CLMN: variants seen among roughly 807,000 people sequenced by gnomAD.
CLMN encodes the protein calmin.
A neutral mutation model predicts 92.7 loss-of-function variants in CLMN; 57 were observed. That is an observed-to-expected ratio of 0.61 (90% CI 0.50 to 0.77). The LOEUF (loss-of-function observed/expected upper bound fraction) is 0.77. CLMN is among the 30% of genes least tolerant of loss of function. The pLI is 0.00. For missense variants in CLMN, 1,158 were observed against 1,237.5 expected, an observed-to-expected ratio of 0.94 and a Z score of 0.96; for synonymous variants, 466 against 470.6, an observed-to-expected ratio of 0.99 and a Z score of 0.13.
At chr14:95,255,160 G>A (rs545193236) in intron 1 of CLMN, among the ~76,000 whole-genome samples, 270 of 152,192 alleles carry the variant, frequency 1.8e-3, no homozygotes, top group Non-Finnish European at 3.4e-3. Context: ...AAGCCAAGGA[G>A]AGCGCTTCAG....
intron 1 of CLMN, among the ~76,000 whole-genome samples, chr14:95,293,662 C>T (rs1900690779): frequency 1.3e-5 from 2 of 151,924 alleles, no homozygotes; most frequent in Admixed American, 1.3e-4. Context: ...TGTGGGTGTA[C>T]TGCGCCCCCT....
Position 95,184,531 on chromosome 14 carries a change from T to G in CLMN, c.*7033A>C, listed in dbSNP as rs1896397135. On this transcript the variant is annotated 3_prime_UTR_variant, in exon 13 of 13. Transcript: ENST00000298912. ...ACAAGAATGTTTTTTGGCATGTTGC[T>G]CCAGCCCTGGCTGGGAGGAACTGCT... is the stretch of plus-strand genomic sequence containing the variant. 1 of 152,240 alleles carries G rather than the reference T, an allele frequency of 6.6e-6. No individual in the cohort carries two copies. The highest frequency in any genetic ancestry group is 2.4e-5 in the African/African-American group (1 of 41,462). 9.4% of individuals were successfully genotyped at this position (152,240 alleles called of 1,614,324 possible). A position where few individuals can be genotyped will look rare whatever the true frequency, so the allele number is the denominator to read the frequency against.
chr14:95,223,884 A>T, intron 2 of CLMN, 29 bp from the exon 3 acceptor site: 1 of 1,491,594 alleles, frequency 6.7e-7, no homozygotes, highest in Non-Finnish European at 9.3e-7. Flanking sequence ...GAAAGTAGCC[A>T]ATTAGCAACC....
chr14:95,270,973 T>C (rs1168561456), intron 1 of CLMN, among the ~76,000 whole-genome samples: 1 of 152,236 alleles, frequency 6.6e-6, no homozygotes, highest in Non-Finnish European at 1.5e-5. Context: ...TTGAGAACAC[T>C]TGTAATGGTC....
At position 95,210,539 on chromosome 14, in the gene CLMN, A is replaced by G. The variant is rs181191394; in HGVS notation, c.802+147T>C. 9 of 689,800 alleles carry G rather than the reference A, an allele frequency of 1.3e-5. No homozygotes were observed. In the East Asian group the frequency reaches 2.8e-4, roughly 22 times the overall value. The allele number at this position is 689,800 out of a possible 1,614,324, so 42.7% of individuals were successfully genotyped here. ...TAGAGGCATATAAAATATCGGAAAA[A>G]TATCCATATGATCTGAGTGGTAGAA... On this transcript the variant is annotated intron_variant, in intron 7 of 12. Transcript: ENST00000298912.
chr14:95,286,268 A>C (rs964881705), intron 1 of CLMN, among the ~76,000 whole-genome samples: 5 of 152,240 alleles, frequency 3.3e-5, no homozygotes, highest in Non-Finnish European at 7.3e-5. Context: ...ATGGAGAGGC[A>C]AGAGGTAATA....
chr14:95,193,281 T>G (rs1435834056), intron 12 of CLMN: 1 of 1,389,616 alleles, frequency 7.2e-7, no homozygotes, highest in South Asian at 1.2e-5. Context: ...TTCAGCAACA[T>G]TAGGCCAGGC....
At chr14:95,266,928 G>A (rs1899496074) in intron 1 of CLMN, among the ~76,000 whole-genome samples, 1 of 152,108 alleles carries the variant, frequency 6.6e-6, no homozygotes. Context: ...GGGCCAAAAT[G>A]GGGAAAGGGC....
chr14:95,200,701 C>A (rs1006109296), intron 9 of CLMN, among the ~76,000 whole-genome samples: 1 of 152,216 alleles, frequency 6.6e-6, no homozygotes, highest in East Asian at 1.9e-4. Flanking sequence ...AGTGGGAACA[C>A]AAGTGGCAGA....
chr14:95,232,148 C>T (rs189067983), intron 1 of CLMN, among the ~76,000 whole-genome samples: 1 of 152,334 alleles, frequency 6.6e-6, no homozygotes, highest in African/African-American at 2.4e-5. Flanking sequence ...CCCTCGAGCA[C>T]CCGGAGGGTG....
At position 95,272,052 on chromosome 14, in the gene CLMN, T is replaced by C. The variant is rs569068283; in HGVS notation, c.83-41919A>G. 1.3e-4 allele frequency among the ~76,000 whole-genome samples: 20 copies of C among 152,350 alleles called. No individual in the cohort carries two copies. In the East Asian group the frequency reaches 3.7e-3, roughly 28 times the overall value. On this transcript the variant is annotated intron_variant, in intron 1 of 12. Coordinates refer to ENST00000298912, the MANE Select transcript of CLMN (RefSeq NM_024734.4). ...AATTAATCTATCCCTTCTCTGTTGA[T>C]GGGCATGCATCTTGTCCCAGAGAAA...
chr14:95,216,056 AG>A (rs1412075282), intron 4 of CLMN, among the ~76,000 whole-genome samples: 1 of 152,212 alleles, frequency 6.6e-6, no homozygotes, highest in East Asian at 1.9e-4. Context: ...GTTGCTGCAA[AG>A]ATACTACCTG....
chr14:95,293,566 C>T (rs1900686890), intron 1 of CLMN, among the ~76,000 whole-genome samples: 1 of 152,080 alleles, frequency 6.6e-6, no homozygotes, highest in African/African-American at 2.4e-5. Context: ...GGATTCAAGA[C>T]CAGGAGAATG....
At chr14:95,257,270 T>C (rs1899039228) in intron 1 of CLMN, among the ~76,000 whole-genome samples, 1 of 152,218 alleles carries the variant, frequency 6.6e-6, no homozygotes, top group South Asian at 2.1e-4. Context: ...GCCCGCTGCA[T>C]CTAGACGGGG....
chr14:95,275,611 G>T lies in CLMN; in HGVS notation c.82+44100C>A, dbSNP rs141032237. Among the ~76,000 whole-genome samples, 20 of 152,152 alleles carry T rather than the reference G, an allele frequency of 1.3e-4. No individual in the cohort carries two copies. In the East Asian group the frequency reaches 3.9e-3, roughly 29 times the overall value. ...TAATCAAGAAATAACCATAAAAATC[G>T]CCAACCCACAGTCCTCTGGACCACA... On this transcript the variant is annotated intron_variant, in intron 1 of 12. Coordinates refer to ENST00000298912, the MANE Select transcript of CLMN (RefSeq NM_024734.4).
At chr14:95,316,387 C>G (rs950564237) in intron 1 of CLMN, among the ~76,000 whole-genome samples, 2 of 152,270 alleles carry the variant, frequency 1.3e-5, no homozygotes, top group Non-Finnish European at 2.9e-5. Context: ...AGGGCTCCTC[C>G]TTGACGAACG....
At chr14:95,292,428 T>TCCCCCCCCCCCCCCCCCCCCCCC (rs1263766978) in intron 1 of CLMN, among the ~76,000 whole-genome samples, 4 of 74,054 alleles carry the variant, frequency 5.4e-5, no homozygotes, top group Admixed American at 2.9e-4. Flanking sequence ...CCCCCAAGGG[T>TCCCCCCCCCCCCCCCCCCCCCCC]CCCCCACCCC....
At chr14:95,305,520 G>A (rs2140786941) in intron 1 of CLMN, among the ~76,000 whole-genome samples, 1 of 152,316 alleles carries the variant, frequency 6.6e-6, no homozygotes, top group South Asian at 2.1e-4. Context: ...GCAGAACAAA[G>A]AGCAAAAGGG....
At chr14:95,193,437 G>C (rs1394477774) in intron 12 of CLMN, 2 of 1,454,746 alleles carry the variant, frequency 1.4e-6, no homozygotes, top group Admixed American at 2.0e-5. Flanking sequence ...ACAGAGAATG[G>C]ACAGGCGTCA....
Sources: gnomAD v4.1 joint callset for allele counts (sites outside exome capture counted in the v4.1 genomes callset) on GRCh38, gnomAD v4.1.1 for gene constraint, MANE v1.5 for transcripts, NCBI Gene and HGNC (gene_info 2026-07-23, HGNC 2026-07-21) for gene names.